FAT3: variants seen among roughly 807,000 people sequenced by gnomAD.
FAT3 encodes the protein FAT atypical cadherin 3.
A neutral mutation model predicts 310.2 loss-of-function variants in FAT3; 95 were observed. The observed-to-expected ratio is 0.31, with a 90% CI of 0.26 to 0.36. FAT3 has a LOEUF of 0.36. Ranked by LOEUF, FAT3 falls within the 10% of genes least tolerant of loss-of-function variation. The pLI, the probability that FAT3 is intolerant of heterozygous loss-of-function variation, is 1.00. For missense variants in FAT3, 5,408 were observed against 5,715.6 expected, an observed-to-expected ratio of 0.95 and a Z score of 1.74; for synonymous variants, 2,314 against 2,192.9, an observed-to-expected ratio of 1.06 and a Z score of -1.54.
chr11:92,236,820 G>A (rs1007787560), intron 1 of FAT3, among the ~76,000 whole-genome samples: 1 of 152,296 alleles, frequency 6.6e-6, no homozygotes, highest in Middle Eastern at 3.4e-3. Flanking sequence ...ACTGAAATGG[G>A]AAGATGACGA....
At chr11:92,835,990 C>T (rs1164143854) in intron 15 of FAT3, among the ~76,000 whole-genome samples, 2 of 152,120 alleles carry the variant, frequency 1.3e-5, no homozygotes, top group Non-Finnish European at 2.9e-5. Context: ...AGGGTGGAGC[C>T]GCTCTCTGCT....
chr11:92,692,793 G>A (rs1459495367), intron 3 of FAT3, among the ~76,000 whole-genome samples: 2 of 152,196 alleles, frequency 1.3e-5, no homozygotes, highest in Non-Finnish European at 2.9e-5. Context: ...GATAATTCTA[G>A]TTGTATTTTT....
intron 3 of FAT3, among the ~76,000 whole-genome samples, chr11:92,559,833 A>T (rs144823385): frequency 5.0e-4 from 76 of 152,272 alleles, no homozygotes; most frequent in African/African-American, 1.7e-3. Context: ...TGTTGTATGC[A>T]TACATCACCT....
At chr11:92,503,936 G>T (rs1299076423) in intron 2 of FAT3, among the ~76,000 whole-genome samples, 3 of 152,076 alleles carry the variant, frequency 2.0e-5, no homozygotes, top group African/African-American at 7.2e-5. Flanking sequence ...TTTTATAGTG[G>T]CAGAGGTTAT....
intron 19 of FAT3, among the ~76,000 whole-genome samples, chr11:92,856,501 G>A (rs867047423): frequency 6.6e-5 from 10 of 152,176 alleles, no homozygotes; most frequent in African/African-American, 2.2e-4. Flanking sequence ...GCCTTAATCA[G>A]TTAATCTGCT....
chr11:92,260,240 G>A (rs541810397), intron 1 of FAT3, among the ~76,000 whole-genome samples: 83 of 152,196 alleles, frequency 5.5e-4, no homozygotes, highest in African/African-American at 1.9e-3. Context: ...AGTGGTGTGT[G>A]TGTGTGAGTG....
chr11:92,327,150 G>A (rs1947788731), intron 1 of FAT3, among the ~76,000 whole-genome samples: 1 of 151,890 alleles, frequency 6.6e-6, no homozygotes, highest in African/African-American at 2.4e-5. Flanking sequence ...TTTTTTGTCT[G>A]TGTTGAAAAG....
intron 3 of FAT3, among the ~76,000 whole-genome samples, chr11:92,571,884 C>T (rs1023852080): frequency 3.3e-5 from 5 of 152,210 alleles, no homozygotes; most frequent in African/African-American, 1.2e-4. Flanking sequence ...GGTGCCTATG[C>T]AAGGGCATTC....
At chr11:92,403,045 G>A (rs577164496) in intron 2 of FAT3, among the ~76,000 whole-genome samples, 11 of 152,246 alleles carry the variant, frequency 7.2e-5, no homozygotes, top group African/African-American at 2.6e-4. Flanking sequence ...CAAGATAGCA[G>A]GCCCATCAGT....
At position 92,867,162 on chromosome 11, in the gene FAT3, G is replaced by A. The variant is rs763662633; in HGVS notation, c.12080G>A (p.Arg4027His). ...GCVLYPDACK[R>H]SPCQHGGSCT... Reference sequence around the variant, plus strand: ...GTGCTCTATCCCGACGCCTGCAAGCGCAGCCCGTGCCAGCACGGGGGCAGC... The same window carrying A: ...GTGCTCTATCCCGACGCCTGCAAGCACAGCCCGTGCCAGCACGGGGGCAGC... Residue 4027 changes from arginine (R) to histidine (H), a missense_variant, in exon 22 of 28, where the codon CGC becomes CAC. By Grantham distance (29) the Arg-to-His change is conservative (BLOSUM62 0). Around this residue, in one of 5 missense-constraint regions of FAT3, gnomAD observed 4,588 missense variants for 4,809.8 expected, o/e 0.95. Coordinates refer to ENST00000525166, the MANE Select transcript of FAT3 (RefSeq NM_001367949.2). 8.1e-6 allele frequency: 13 copies of A among 1,595,992 alleles called. No homozygotes were observed. Among genetic ancestry groups the A allele is most frequent in the Middle Eastern group, 1.7e-4 (1 of 5,904 alleles).
chr11:92,767,356 A>AGCCACTGATTTTTCTCCCTCCTCC (rs1392389007), intron 6 of FAT3, among the ~76,000 whole-genome samples: 3 of 151,816 alleles, frequency 2.0e-5, no homozygotes, highest in Non-Finnish European at 4.4e-5. Context: ...CTTTCTCATC[A>AGCCACTGATTTTTCTCCCTCCTCC]GCCACTGATT....
At chr11:92,821,945 TAAAC>T (rs919765433) in intron 13 of FAT3, among the ~76,000 whole-genome samples, 38 of 152,160 alleles carry the variant, frequency 2.5e-4, no homozygotes, top group Admixed American at 1.9e-3. Flanking sequence ...ATAAACAGGC[TAAAC>T]AAACAAACAA....
In FAT3 at chr11:92,249,560, C is replaced by A. The variant is rs558489503; in HGVS notation, c.-18+24386C>A. 2.0e-5 allele frequency among the ~76,000 whole-genome samples: 3 copies of A among 152,034 alleles called. No individual in the cohort carries two copies. The East Asian group carries it at 5.8e-4, about 29-fold the overall frequency. On this transcript the variant is annotated intron_variant, in intron 1 of 27. Coordinates refer to ENST00000525166, the MANE Select transcript of FAT3 (RefSeq NM_001367949.2). ...TGGGTTTTACAAGTTCATAAATCAC[C>A]CTCTTTTAAGAGGCTTCTTGGCTTT... is the stretch of plus-strand genomic sequence containing the variant.
At chr11:92,501,387 C>T (rs573245677) in intron 2 of FAT3, among the ~76,000 whole-genome samples, 14 of 152,164 alleles carry the variant, frequency 9.2e-5, no homozygotes, top group Admixed American at 9.2e-4. Context: ...CCTAGAGTGC[C>T]TTTTACCAAT....
intron 1 of FAT3, among the ~76,000 whole-genome samples, chr11:92,238,835 A>G (rs1864547160): frequency 5.9e-5 from 9 of 152,150 alleles, no homozygotes; most frequent in Admixed American, 2.6e-4. Context: ...CCTGAAAAAA[A>G]CAGAGTACTT....
intron 1 of FAT3, among the ~76,000 whole-genome samples, chr11:92,275,336 A>T (rs560585927): frequency 6.6e-6 from 1 of 152,046 alleles, no homozygotes; most frequent in East Asian, 1.9e-4. Context: ...CACCTTTACC[A>T]TATGAAATCC....
At chr11:92,593,323 G>C (rs1177406078) in intron 3 of FAT3, among the ~76,000 whole-genome samples, 2 of 152,070 alleles carry the variant, frequency 1.3e-5, no homozygotes, top group Admixed American at 6.5e-5. Flanking sequence ...TATACCCAGA[G>C]TGGAGTTTCT....
intron 3 of FAT3, among the ~76,000 whole-genome samples, chr11:92,657,296 A>G (rs1189947984): frequency 2.6e-5 from 4 of 152,062 alleles, no homozygotes; most frequent in Non-Finnish European, 5.9e-5. Flanking sequence ...AACTAAAGTG[A>G]GTAAATTTTG....
At chr11:92,321,443 A>AT (rs1437580053) in intron 1 of FAT3, among the ~76,000 whole-genome samples, 1 of 152,152 alleles carries the variant, frequency 6.6e-6, no homozygotes, top group African/African-American at 2.4e-5. Flanking sequence ...TCTCAAAAAA[A>AT]AAAAAAAATT....
Sources: allele counts gnomAD v4.1 joint callset (sites outside exome capture counted in the v4.1 genomes callset), GRCh38; gene constraint gnomAD v4.1.1; regional missense constraint gnomAD v4.1.1; transcripts MANE v1.5; gene names NCBI Gene and HGNC (gene_info 2026-07-23, HGNC 2026-07-21).